Variants in IL17RD observed in about 807,000 individuals in gnomAD.
The protein encoded by IL17RD is interleukin 17 receptor D.
IL17RD carries 52 observed loss-of-function variants against 80.5 expected under a neutral mutation model. The ratio of observed to expected loss-of-function variants is 0.65; its 90% confidence interval spans 0.52 to 0.81. The LOEUF (loss-of-function observed/expected upper bound fraction) is 0.81, where lower values mean the gene tolerates loss of function less well. Ranked by LOEUF, IL17RD falls within the 40% of genes least tolerant of loss-of-function variation. The pLI is 0.00. For synonymous variants in IL17RD, 416 were observed against 391.8 expected (o/e 1.06, Z -0.73); for missense variants, 1,024 against 955.1 (o/e 1.07, Z -0.95).
intron 5 of IL17RD, among the ~76,000 whole-genome samples, chr3:57,109,137 TTTTGTTTG>T (rs770073637): frequency 6.6e-6 from 1 of 152,148 alleles, no homozygotes; most frequent in Admixed American, 6.5e-5. Context: ...TTGGCATGTT[TTTTGTTTG>T]TTTGTTTGTT....
chr3:57,114,194 A>T (rs973680212), intron 3 of IL17RD, among the ~76,000 whole-genome samples: 5 of 152,186 alleles, frequency 3.3e-5, no homozygotes, highest in Non-Finnish European at 7.3e-5. Flanking sequence ...AAAAAAAAAA[A>T]AAAAATTCAA....
intron 1 of IL17RD, among the ~76,000 whole-genome samples, chr3:57,144,170 T>C (rs1162229324): frequency 1.3e-5 from 2 of 152,200 alleles, no homozygotes; most frequent in African/African-American, 2.4e-5. Flanking sequence ...CACTTCTGTC[T>C]AAGCTCAGTG....
chr3:57,164,388 C>T (rs1469935142), intron 1 of IL17RD, among the ~76,000 whole-genome samples: 2 of 152,200 alleles, frequency 1.3e-5, no homozygotes, highest in Non-Finnish European at 2.9e-5. Context: ...GTCAAAGGAG[C>T]GCTCGGTTCC....
At chr3:57,127,370 AT>A (rs1707511085) in intron 1 of IL17RD, among the ~76,000 whole-genome samples, 1 of 94,758 alleles carries the variant, frequency 1.1e-5, no homozygotes, top group African/African-American at 4.9e-5. Flanking sequence ...ATATAAATAT[AT>A]ATATATAAAT....
chr3:57,134,495 T>C (rs1707679535), intron 1 of IL17RD: 1 of 1,112,364 alleles, frequency 9.0e-7, no homozygotes, highest in Non-Finnish European at 1.4e-6. Flanking sequence ...ACCACACATA[T>C]CACAGCCTGT....
At chr3:57,137,149 G>A (rs1707747217) in intron 1 of IL17RD, among the ~76,000 whole-genome samples, 1 of 152,194 alleles carries the variant, frequency 6.6e-6, no homozygotes, top group Non-Finnish European at 1.5e-5. Flanking sequence ...TCAGGAAATG[G>A]TTGCTATTTC....
At position 57,127,189 on chromosome 3, in the gene IL17RD, T is replaced by TATATATATAAATATATATAAAA. The variant is rs1182269879; in HGVS notation, c.127-6898_127-6877dup. 9.8e-5 allele frequency among the ~76,000 whole-genome samples: 11 copies of TATATATATAAATATATATAAAA among 112,590 alleles called. 2 individuals are homozygous for TATATATATAAATATATATAAAA. The highest frequency in any genetic ancestry group is 4.8e-4 in the East Asian group (2 of 4,142). 73.9% of individuals were successfully genotyped at this position (112,590 alleles called of 152,430 possible). ...TAAAACTAAGGCCAACTCATATATA[T>TATATATATAAATATATATAAAA]ATATATATAAATATATATAAAAATA... On this transcript the variant is annotated intron_variant, in intron 1 of 12. Transcript: ENST00000296318.
At chr3:57,154,281 TATACACACAC>T (rs150967330) in intron 1 of IL17RD, among the ~76,000 whole-genome samples, 14,248 of 132,772 alleles carry the variant, frequency 0.11, 1,119 homozygotes, top group East Asian at 0.35. Context: ...TATATATATA[TATACACACAC>T]ACACACACAC....
At chr3:57,102,447 G>A (rs1218496060) in intron 10 of IL17RD, 32 bp downstream of exon 10, 19 of 1,296,376 alleles carry the variant, frequency 1.5e-5, no homozygotes, top group Admixed American at 1.9e-5. Flanking sequence ...CCTGCCCCTT[G>A]TTGTGGGGAG....
rs184869187 is a variant in IL17RD, at chr3:57,117,234, C to T, written c.185-2417G>A. ...GTTCAAGCAATTCTCCTGTCTCAGC[C>T]TCCTGAGTAGCTGGGACTACAGGCA... On this transcript the variant is annotated intron_variant, in intron 2 of 12. Coordinates refer to ENST00000296318, the MANE Select transcript of IL17RD (RefSeq NM_017563.5). Among the ~76,000 whole-genome samples the T allele has an allele frequency of 4.7e-3, 713 of 152,120 alleles. 3 individuals are homozygous for T. The highest frequency in any genetic ancestry group is 0.016 in the African/African-American group (670 of 41,488).
intron 1 of IL17RD, among the ~76,000 whole-genome samples, chr3:57,146,012 T>C (rs1579310598): frequency 6.7e-6 from 1 of 148,872 alleles, no homozygotes; most frequent in East Asian, 2.0e-4. Context: ...GGGGAAAGCG[T>C]GCGCGCACAC....
intron 11 of IL17RD, among the ~76,000 whole-genome samples, chr3:57,099,306 A>G (rs992378415): frequency 1.3e-5 from 2 of 152,196 alleles, no homozygotes; most frequent in Non-Finnish European, 2.9e-5. Context: ...TTTACCCCCA[A>G]AGGCGGTCTG....
At chr3:57,167,905 A>G (rs937615586), upstream of IL17RD, among the ~76,000 whole-genome samples, 3 of 152,074 alleles carry the variant, frequency 2.0e-5, no homozygotes, top group African/African-American at 7.2e-5. Context: ...ATCTTGGCTC[A>G]CTGCAACCTC....
At position 57,125,268 on chromosome 3, in the gene IL17RD, G is replaced by T. The variant is rs143354918; in HGVS notation, c.127-4955C>A. Among the ~76,000 whole-genome samples, 420 of 152,240 alleles carry T rather than the reference G, an allele frequency of 2.8e-3. 2 individuals are homozygous for T. Among genetic ancestry groups the T allele is most frequent in the African/African-American group, 9.7e-3 (405 of 41,546 alleles). The stretch of plus-strand genomic sequence containing the variant: ...CTAAAAATACGAAAATTAGCCAGGC[G>T]TGGTGGTGGGTGCCTGTAATCCCAG... On this transcript the variant is annotated intron_variant, in intron 1 of 12. Transcript: ENST00000296318.
At position 57,110,278 on chromosome 3, in the gene IL17RD, A is replaced by C; in HGVS notation, c.344T>G (p.Leu115Arg). The change falls in exon 4 of 13, where the codon CTG becomes CGG. Residue 115 changes from leucine to arginine, a missense_variant. Physicochemically the swap from Leu to Arg is moderately radical, Grantham distance 102. Coordinates refer to ENST00000296318, the MANE Select transcript of IL17RD (RefSeq NM_017563.5). ...TCTTCCCTCCGACTTCAGCTCCTCC[A>C]GTATTACCCGAAATCCTTTCAGGAA... ...IEFLKGFRVI[L>R]EELKSEGRQC... The C allele has an allele frequency of 6.2e-7, 1 of 1,608,348 alleles. No homozygotes were observed. Among genetic ancestry groups the C allele is most frequent in the Non-Finnish European group, 8.5e-7 (1 of 1,177,136 alleles).
At chr3:57,162,176 C>G (rs185635379) in intron 1 of IL17RD, among the ~76,000 whole-genome samples, 1 of 152,336 alleles carries the variant, frequency 6.6e-6, no homozygotes, top group Admixed American at 6.5e-5. Context: ...AATACACATT[C>G]CTGCAAGGGC....
chr3:57,110,234 G>C lies in IL17RD; in HGVS notation c.388C>G (p.Leu130Val), dbSNP rs771134381. 9 of 1,608,338 alleles carry C rather than the reference G, an allele frequency of 5.6e-6. No individual in the cohort carries two copies. The highest frequency in any genetic ancestry group is 6.8e-6 in the Non-Finnish European group (8 of 1,177,326). The change falls in exon 4 of 13, where the codon CTA becomes GTA. Residue 130 changes from leucine (L) to valine (V), a missense_variant. Coordinates refer to ENST00000296318, the MANE Select transcript of IL17RD (RefSeq NM_017563.5). The part of the protein sequence containing the change: ...SEGRQCQQLI[L>V]KDPKQLNSSF... ...CTGTTGAGCTGCTTCGGATCCTTTAGAATCAGTTGTTGGCACTGTCTTCCC... is the reference window on the plus strand; with the variant it reads ...CTGTTGAGCTGCTTCGGATCCTTTACAATCAGTTGTTGGCACTGTCTTCCC...
chr3:57,097,061 A>G (rs1296234804), intron 12 of IL17RD, among the ~76,000 whole-genome samples: 2 of 151,880 alleles, frequency 1.3e-5, no homozygotes, highest in Non-Finnish European at 2.9e-5. Context: ...AGTTACAGAC[A>G]TGGTAAGGGA....
At chr3:57,122,347 G>A (rs559406897) in intron 1 of IL17RD, among the ~76,000 whole-genome samples, 6 of 152,292 alleles carry the variant, frequency 3.9e-5, no homozygotes, top group East Asian at 1.9e-4. Flanking sequence ...CCGGATGCCC[G>A]ATGGCAAACC....
Sources: allele counts gnomAD v4.1 joint callset (sites outside exome capture counted in the v4.1 genomes callset), GRCh38; gene constraint gnomAD v4.1.1; transcripts MANE v1.5; gene names NCBI Gene and HGNC (gene_info 2026-07-23, HGNC 2026-07-21).